Variants in CSMD1 observed in about 807,000 individuals in gnomAD.
CSMD1 encodes CUB and sushi domain-containing protein 1.
A neutral mutation model predicts 417.5 loss-of-function variants in CSMD1; 213 were observed. That is an observed-to-expected ratio of 0.51 (90% CI 0.46 to 0.57). The LOEUF is 0.57. Among genes scored for constraint, CSMD1 ranks in the 20% least tolerant of loss-of-function variants. CSMD1 has a pLI of 0.00. For synonymous variants in CSMD1, 2,862 were observed against 1,736.8 expected, an observed-to-expected ratio of 1.65 and a Z score of -16.11; for missense variants, 6,923 against 4,529.7, an observed-to-expected ratio of 1.53 and a Z score of -15.17.
At chr8:4,904,677 A>T (rs1805120010) in intron 1 of CSMD1, among the ~76,000 whole-genome samples, 1 of 152,186 alleles carries the variant, frequency 6.6e-6, no homozygotes, top group South Asian at 2.1e-4. Context: ...TGTCCTTGTT[A>T]AGTACTGGGG....
chr8:4,236,049 T>TG (rs1563316680), intron 3 of CSMD1, among the ~76,000 whole-genome samples: 1,408 of 72,930 alleles, frequency 0.019, 47 homozygotes, highest in African/African-American at 0.042. Flanking sequence ...GTTTTTTTTT[T>TG]TTTTTTTTTT....
chr8:4,981,702 C>T (rs185097955), intron 1 of CSMD1, among the ~76,000 whole-genome samples: 28 of 152,224 alleles, frequency 1.8e-4, no homozygotes, highest in Middle Eastern at 3.4e-3. Flanking sequence ...GGGGGCCATG[C>T]GGCACCCCCA....
At position 4,118,585 on chromosome 8, in the gene CSMD1, G is replaced by C. The variant is rs372449101; in HGVS notation, c.416-86486C>G. On this transcript the variant is annotated intron_variant, in intron 3 of 69. Transcript: ENST00000635120. ...AAAATGGCGATCATGAAAAAGTAAGGAAACAATAGATGCTGGCAAGGCTGT... is the reference window on the plus strand; with the variant it reads ...AAAATGGCGATCATGAAAAAGTAAGCAAACAATAGATGCTGGCAAGGCTGT... Among the ~76,000 whole-genome samples, 38 of 152,238 alleles carry C rather than the reference G, an allele frequency of 2.5e-4. 1 individual carries two copies. The highest frequency in any genetic ancestry group is 8.4e-4 in the African/African-American group (35 of 41,546).
intron 12 of CSMD1, among the ~76,000 whole-genome samples, chr8:3,427,254 T>C (rs1449917779): frequency 6.6e-6 from 1 of 152,144 alleles, no homozygotes; most frequent in Non-Finnish European, 1.5e-5. Flanking sequence ...TTTGAGATTT[T>C]CAAGGCCAGC....
At chr8:4,543,671 GAAAAAAAAAAAAAAAAAAA>G (rs35739254) in intron 2 of CSMD1, among the ~76,000 whole-genome samples, 1 of 57,318 alleles carries the variant, frequency 1.7e-5, no homozygotes, top group African/African-American at 6.5e-5. Flanking sequence ...GTTTAATTTT[GAAAAAAAAAAAAAAAAAAA>G]AAAAAAAAAA....
At chr8:3,850,439 A>AATTCCAGCATTTTGG (rs1293763783) in intron 5 of CSMD1, among the ~76,000 whole-genome samples, 1 of 152,220 alleles carries the variant, frequency 6.6e-6, no homozygotes, top group Non-Finnish European at 1.5e-5. Context: ...TCAGGCCTTT[A>AATTCCAGCATTTTGG]ATTCCAGCAT....
chr8:3,267,269 A>T (rs2117126433), intron 26 of CSMD1, among the ~76,000 whole-genome samples: 1 of 151,540 alleles, frequency 6.6e-6, no homozygotes, highest in Admixed American at 6.6e-5. Context: ...GTGAAGGGAA[A>T]CCCCCTGATA....
intron 51 of CSMD1, among the ~76,000 whole-genome samples, chr8:3,019,789 C>T (rs1809203938): frequency 6.6e-6 from 1 of 152,234 alleles, no homozygotes; most frequent in Admixed American, 6.5e-5. Context: ...GAAATCTCTG[C>T]TCTTCAGATT....
In CSMD1 at chr8:4,677,680, G is replaced by C. The variant is rs552889725; in HGVS notation, c.86-40122C>G. Among the ~76,000 whole-genome samples the C allele has an allele frequency of 2.0e-5, 3 of 152,210 alleles. No individual in the cohort carries two copies. The South Asian group carries it at 6.2e-4, about 32-fold the overall frequency. ...CTCTGACTAATTGTGAATTTCATGA[G>C]TTCTACTTTGACTCACCGTTAGATG... On this transcript the variant is annotated intron_variant, in intron 1 of 69. Transcript: ENST00000635120.
At chr8:3,617,394 T>C (rs1477769917) in intron 7 of CSMD1, among the ~76,000 whole-genome samples, 1 of 152,226 alleles carries the variant, frequency 6.6e-6, no homozygotes, top group East Asian at 1.9e-4. Context: ...AACTCATTTG[T>C]TTATTGGATA....
At chr8:4,582,457 G>C (rs989469526) in intron 2 of CSMD1, among the ~76,000 whole-genome samples, 2 of 152,122 alleles carry the variant, frequency 1.3e-5, no homozygotes, top group Non-Finnish European at 2.9e-5. Context: ...AGAGTGGTGA[G>C]CCCAATACAG....
intron 3 of CSMD1, among the ~76,000 whole-genome samples, chr8:4,349,335 A>T (rs556501282): frequency 6.6e-6 from 1 of 152,350 alleles, no homozygotes; most frequent in South Asian, 2.1e-4. Flanking sequence ...AGAATTGAGT[A>T]TAAGATGTAG....
At chr8:3,733,155 A>G (rs1443795944) in intron 6 of CSMD1, among the ~76,000 whole-genome samples, 1 of 135,346 alleles carries the variant, frequency 7.4e-6, no homozygotes, top group African/African-American at 2.8e-5. Context: ...ACTCAGTACC[A>G]GGAGGCCATA....
At chr8:4,678,045 C>G (rs1186168370) in intron 1 of CSMD1, among the ~76,000 whole-genome samples, 2 of 152,070 alleles carry the variant, frequency 1.3e-5, no homozygotes, top group Non-Finnish European at 2.9e-5. Context: ...ATTTTAGTAA[C>G]AGCACACATG....
At chr8:4,247,148 C>G (rs1802764277) in intron 3 of CSMD1, among the ~76,000 whole-genome samples, 2 of 152,206 alleles carry the variant, frequency 1.3e-5, no homozygotes. Flanking sequence ...CTCAATATTG[C>G]TTTCTTTTCC....
chr8:2,936,387 A>ATG lies in CSMD1; in HGVS notation c.*2196_*2197dup, dbSNP rs1369371634. On this transcript the variant is annotated 3_prime_UTR_variant, in exon 70 of 70. Coordinates refer to ENST00000635120, the MANE Select transcript of CSMD1 (RefSeq NM_033225.6). Reference sequence around the variant, plus strand: ...ATATGTACAATATATATATATATATATGTATGTATATATATACACTAATAT... The same window carrying ATG: ...ATATGTACAATATATATATATATATATGTGTATGTATATATATACACTAATAT... The ATG allele has an allele frequency of 2.0e-5, 3 of 147,890 alleles. No individual in the cohort carries two copies. The highest frequency in any genetic ancestry group is 4.5e-5 in the Non-Finnish European group (3 of 66,966). 9.2% of individuals were successfully genotyped at this position (147,890 alleles called of 1,614,324 possible). A position where few individuals can be genotyped will look rare whatever the true frequency, so the allele number is the denominator to read the frequency against.
chr8:3,866,660 G>C (rs1027498221), intron 5 of CSMD1, among the ~76,000 whole-genome samples: 4 of 129,064 alleles, frequency 3.1e-5, no homozygotes, highest in East Asian at 2.3e-4. Flanking sequence ...GAAATAATAA[G>C]CTTATAAGAT....
intron 44 of CSMD1, 55 bp from the exon 45 acceptor site, chr8:3,107,853 C>T (rs1321521974): frequency 2.7e-6 from 3 of 1,111,230 alleles, no homozygotes; most frequent in South Asian, 1.4e-5. Context: ...GCTGAATAAA[C>T]ACAACTATTA....
At chr8:3,154,866 T>C (rs1045314161) in intron 39 of CSMD1, among the ~76,000 whole-genome samples, 6 of 152,196 alleles carry the variant, frequency 3.9e-5, no homozygotes, top group African/African-American at 1.4e-4. Flanking sequence ...TAAAATATTA[T>C]CTCTCTATGG....
Sources: gnomAD v4.1 joint callset for allele counts (sites outside exome capture counted in the v4.1 genomes callset) on GRCh38, gnomAD v4.1.1 for gene constraint, MANE v1.5 for transcripts, NCBI Gene and HGNC (gene_info 2026-07-23, HGNC 2026-07-21) for gene names.